ATXN7L1: variants seen among roughly 807,000 people sequenced by gnomAD.
ATXN7L1 encodes the protein ataxin 7 like 1, also known as ataxin-7-like protein 1.
ATXN7L1 carries 15 observed loss-of-function variants against 70.8 expected under a neutral mutation model. The ratio of observed to expected loss-of-function variants is 0.21; its 90% CI spans 0.14 to 0.33. The LOEUF (loss-of-function observed/expected upper bound fraction) is 0.33. ATXN7L1 is among the 10% of genes least tolerant of loss of function. ATXN7L1 has a pLI of 1.00. For synonymous variants in ATXN7L1, 440 were observed against 445.1 expected, an observed-to-expected ratio of 0.99 and a Z score of 0.14; for missense variants, 975 against 1,097.1, an observed-to-expected ratio of 0.89 and a Z score of 1.57.
intron 2 of ATXN7L1, among the ~76,000 whole-genome samples, chr7:105,792,169 G>C (rs17283528): frequency 0.017 from 2,560 of 152,304 alleles, 26 homozygotes; most frequent in Non-Finnish European, 0.027. Flanking sequence ...CTTAGAGACT[G>C]TGGCCACCTG....
intron 2 of ATXN7L1, among the ~76,000 whole-genome samples, chr7:105,850,636 G>A (rs920950545): frequency 1.3e-5 from 2 of 152,186 alleles, no homozygotes; most frequent in African/African-American, 4.8e-5. Flanking sequence ...CCTGAAGAAC[G>A]AGCACAGAGC....
chr7:105,662,288 G>A (rs1801835735), intron 4 of ATXN7L1, among the ~76,000 whole-genome samples: 1 of 151,880 alleles, frequency 6.6e-6, no homozygotes, highest in East Asian at 1.9e-4. Flanking sequence ...ATCTTTAGTA[G>A]AGATGAGGTT....
At chr7:105,748,116 CAAAAA>C (rs10566200) in intron 3 of ATXN7L1, among the ~76,000 whole-genome samples, 16 of 121,962 alleles carry the variant, frequency 1.3e-4, no homozygotes, top group East Asian at 2.4e-4. Context: ...AACTCCATCT[CAAAAA>C]AAAAAAAAAA....
chr7:105,827,723 A>T (rs530745745), intron 2 of ATXN7L1, among the ~76,000 whole-genome samples: 1 of 152,186 alleles, frequency 6.6e-6, no homozygotes, highest in Non-Finnish European at 1.5e-5. Context: ...TTTTTTCAAC[A>T]ACCCTATGAA....
intron 2 of ATXN7L1, among the ~76,000 whole-genome samples, chr7:105,826,981 A>G (rs539511873): frequency 2.0e-5 from 3 of 152,364 alleles, no homozygotes; most frequent in African/African-American, 7.2e-5. Flanking sequence ...AAAAGACACA[A>G]GACAGCAGGG....
chr7:105,682,553 TA>T (rs1175491590), intron 3 of ATXN7L1, among the ~76,000 whole-genome samples: 1 of 152,078 alleles, frequency 6.6e-6, no homozygotes, highest in African/African-American at 2.4e-5. Flanking sequence ...GATGAGTGGA[TA>T]AACAAACACT....
chr7:105,870,952 A>G (rs992834043), intron 2 of ATXN7L1, among the ~76,000 whole-genome samples: 1 of 152,188 alleles, frequency 6.6e-6, no homozygotes, highest in East Asian at 1.9e-4. Context: ...AATACCATTC[A>G]CAAATGATTT....
chr7:105,837,885 C>T (rs370632307), intron 2 of ATXN7L1, among the ~76,000 whole-genome samples: 4 of 152,084 alleles, frequency 2.6e-5, no homozygotes, highest in African/African-American at 9.7e-5. Context: ...GCCTGCCTCC[C>T]TCGTGAATGA....
intron 4 of ATXN7L1, chr7:105,649,495 T>C (rs1360354928): frequency 1.0e-6 from 1 of 987,810 alleles, no homozygotes; most frequent in East Asian, 1.1e-4. Flanking sequence ...TCAAGGCGGG[T>C]CCTCTGGCTT....
At chr7:105,780,248 C>T (rs1803328207) in intron 3 of ATXN7L1, among the ~76,000 whole-genome samples, 1 of 152,190 alleles carries the variant, frequency 6.6e-6, no homozygotes, top group Non-Finnish European at 1.5e-5. Flanking sequence ...ACATGCTGTT[C>T]TCAGTATCCA....
intron 3 of ATXN7L1, among the ~76,000 whole-genome samples, chr7:105,689,358 G>A (rs1790431681): frequency 6.6e-6 from 1 of 152,230 alleles, no homozygotes; most frequent in Admixed American, 6.5e-5. Flanking sequence ...CGTGCTCTAG[G>A]AGACAGAGCT....
intron 3 of ATXN7L1, chr7:105,760,483 T>C (rs1471106017): frequency 1.0e-6 from 1 of 985,748 alleles, no homozygotes; most frequent in African/African-American, 1.7e-5. Flanking sequence ...CTCTCCTATA[T>C]ACTGGTGAGG....
rs115893510 is a variant in ATXN7L1, at chr7:105,660,006, G to C, written c.578+5060C>G. On this transcript the variant is annotated intron_variant, in intron 4 of 11. Coordinates refer to ENST00000419735, the MANE Select transcript of ATXN7L1 (RefSeq NM_020725.2). Reference sequence around the variant, plus strand: ...CCCTTACTGTCCTTCCCTTGAGGAAGCGGCAGGACCACAACTCTGCTGTCG... The same window carrying C: ...CCCTTACTGTCCTTCCCTTGAGGAACCGGCAGGACCACAACTCTGCTGTCG... 5.7e-3 allele frequency among the ~76,000 whole-genome samples: 873 copies of C among 151,900 alleles called. 8 individuals are homozygous for C. The highest frequency in any genetic ancestry group is 0.02 in the African/African-American group (826 of 41,414).
At chr7:105,711,155 A>G (rs1028174293) in intron 3 of ATXN7L1, among the ~76,000 whole-genome samples, 6 of 152,154 alleles carry the variant, frequency 3.9e-5, no homozygotes, top group Non-Finnish European at 7.4e-5. Flanking sequence ...GAGCCAAACC[A>G]TTATCAAACA....
chr7:105,875,688 G>T, intron 2 of ATXN7L1, 124 bp downstream of exon 2: 3 of 770,462 alleles, frequency 3.9e-6, no homozygotes, highest in Non-Finnish European at 6.1e-6. Flanking sequence ...AGTCACCTGG[G>T]CGTGCTCAAT....
At chr7:105,837,059 G>A (rs990091659) in intron 2 of ATXN7L1, among the ~76,000 whole-genome samples, 14 of 152,130 alleles carry the variant, frequency 9.2e-5, no homozygotes, top group Admixed American at 7.2e-4. Flanking sequence ...GGTGGAAGAC[G>A]AAGCGCGAGA....
rs900682579 is a variant in ATXN7L1 at position 105,607,921 on chromosome 7, A to G, written c.2548-31T>C. The G allele has an allele frequency of 3.9e-6, 6 of 1,543,642 alleles. No homozygotes were observed. In the African/African-American group the frequency reaches 5.5e-5, roughly 14 times the overall value. ...AGGAAAGAAAAGAAAAACTTGTTTC[A>G]AAACCATACAGTTGAGATTACCCAT... On this transcript the variant is annotated intron_variant, in intron 11 of 11. Coordinates refer to ENST00000419735, the MANE Select transcript of ATXN7L1 (RefSeq NM_020725.2).
chr7:105,733,320 T>C (rs1796782483), intron 3 of ATXN7L1, among the ~76,000 whole-genome samples: 1 of 152,250 alleles, frequency 6.6e-6, no homozygotes, highest in African/African-American at 2.4e-5. Flanking sequence ...TCCTTTCCAT[T>C]CTTTAAAGCT....
At chr7:105,756,950 G>C (rs1007862476) in intron 3 of ATXN7L1, among the ~76,000 whole-genome samples, 2 of 152,032 alleles carry the variant, frequency 1.3e-5, no homozygotes, top group Admixed American at 1.3e-4. Context: ...AAATATGCCT[G>C]AATTAAATAC....
Sources: allele counts gnomAD v4.1 joint callset (sites outside exome capture counted in the v4.1 genomes callset), GRCh38; gene constraint gnomAD v4.1.1; transcripts MANE v1.5; gene names NCBI Gene and HGNC (gene_info 2026-07-23, HGNC 2026-07-21).